The following ATRN variants were observed in gnomAD, a reference collection of about 807,000 sequenced individuals.
The protein encoded by ATRN is attractin.
Under a neutral mutation model 178.7 loss-of-function variants are expected in ATRN, and 54 were observed. That is an observed-to-expected ratio of 0.30 (90% CI 0.24 to 0.38). The LOEUF is 0.38. Ranked by LOEUF, ATRN falls within the 10% of genes least tolerant of loss-of-function variation. ATRN has a pLI of 1.00. For missense variants in ATRN, 1,443 were observed against 1,815.1 expected (o/e 0.79, Z 3.73); for synonymous variants, 636 against 663.0 (o/e 0.96, Z 0.63).
At chr20:3,544,895 A>G (rs1280624505) in intron 3 of ATRN, among the ~76,000 whole-genome samples, 6 of 150,580 alleles carry the variant, frequency 4.0e-5, no homozygotes, top group Non-Finnish European at 8.8e-5. Context: ...GTTGTGAGTG[A>G]GGTCTTAAGA....
chr20:3,563,063 AAACTT>A lies in ATRN; in HGVS notation c.1632-144_1632-140del, dbSNP rs1489999982. The A allele has an allele frequency of 2.9e-5, 20 of 682,018 alleles. No homozygotes were observed. The East Asian group carries it at 5.9e-4, about 20-fold the overall frequency. 42.2% of individuals were successfully genotyped at this position (682,018 alleles called of 1,614,324 possible). A position where few individuals can be genotyped will look rare whatever the true frequency, so the allele number is the denominator to read the frequency against. ...AAAATTATCTGTATTTATTGTTGAAAAACTTACTTTTATGTAGGGAAAACTCTGGA... is the reference window on the plus strand; with the variant it reads ...AAAATTATCTGTATTTATTGTTGAAAACTTTTATGTAGGGAAAACTCTGGA... On this transcript the variant is annotated intron_variant, in intron 9 of 28. Coordinates refer to ENST00000262919, the MANE Select transcript of ATRN (RefSeq NM_139321.3).
intron 25 of ATRN, among the ~76,000 whole-genome samples, chr20:3,627,097 TA>T (rs1268747237): frequency 6.6e-6 from 1 of 152,176 alleles, no homozygotes; most frequent in African/African-American, 2.4e-5. Context: ...AAAATGTATA[TA>T]AATGAAATCA....
At chr20:3,614,965 T>C (rs1053170196) in intron 24 of ATRN, among the ~76,000 whole-genome samples, 1 of 152,256 alleles carries the variant, frequency 6.6e-6, no homozygotes, top group Non-Finnish European at 1.5e-5. Flanking sequence ...CATAGCTGAA[T>C]AATCTTCCTT....
chr20:3,584,783 G>A lies in ATRN; in HGVS notation c.3087G>A (p.Ser1029=), dbSNP rs769323572. The stretch of plus-strand genomic sequence containing the variant: ...ATAAAGGACCAGTGAAGATGCCTTC[G>A]CAAGCCCCTACAGGAAATTTCTATC... ...GSYKGPVKMP[S]QAPTGNFYPQ... Residue 1029 remains serine (S), a synonymous_variant, in exon 18 of 29, where the codon TCG becomes TCA. Coordinates refer to ENST00000262919, the MANE Select transcript of ATRN (RefSeq NM_139321.3). 6.2e-6 allele frequency: 10 copies of A among 1,613,970 alleles called. No homozygotes were observed. Among genetic ancestry groups the A allele is most frequent in the African/African-American group, 2.7e-5 (2 of 74,898 alleles).
In ATRN at chr20:3,646,880, T is replaced by C; in HGVS notation, c.*33T>C. On this transcript the variant is annotated 3_prime_UTR_variant, in exon 29 of 29. Transcript: ENST00000262919. ...GCCAGGGACTCTCCCACGCACGAGC[T>C]AGTGAGTGGCACACCAGAGCCATCT... 1 of 1,611,220 alleles carries C rather than the reference T, an allele frequency of 6.2e-7. No individual in the cohort carries two copies. Among genetic ancestry groups the C allele is most frequent in the Non-Finnish European group, 8.5e-7 (1 of 1,178,822 alleles).
intron 3 of ATRN, among the ~76,000 whole-genome samples, chr20:3,544,576 A>G (rs1203761033): frequency 6.6e-6 from 1 of 152,218 alleles, no homozygotes; most frequent in Non-Finnish European, 1.5e-5. Flanking sequence ...AACAGCAGGT[A>G]GACATAAGAA....
chr20:3,497,692 AAT>A (rs1160328404), intron 1 of ATRN, among the ~76,000 whole-genome samples: 5 of 151,996 alleles, frequency 3.3e-5, no homozygotes, highest in Admixed American at 2.6e-4. Context: ...GTATTTCCTG[AAT>A]CTGAATGTTG....
At chr20:3,595,081 G>A (rs951040959) in intron 20 of ATRN, among the ~76,000 whole-genome samples, 6 of 152,184 alleles carry the variant, frequency 3.9e-5, no homozygotes, top group African/African-American at 1.4e-4. Flanking sequence ...CATCCATGAG[G>A]ATGCAGGTGC....
intron 12 of ATRN, among the ~76,000 whole-genome samples, chr20:3,575,099 G>A (rs2086187513): frequency 6.6e-6 from 1 of 152,156 alleles, no homozygotes; most frequent in Non-Finnish European, 1.5e-5. Flanking sequence ...GAGTAGCTGG[G>A]ATTACAGGAA....
rs141778865 is a variant in ATRN, at chr20:3,517,786, A to T, written c.411-17467A>T. On this transcript the variant is annotated intron_variant, in intron 1 of 28. Coordinates refer to ENST00000262919, the MANE Select transcript of ATRN (RefSeq NM_139321.3). ...ACTCCGTCTCAAACATAAAAAAAAAAATTAAACAAATTTTTAACAACTCAG... is the reference window on the plus strand; with the variant it reads ...ACTCCGTCTCAAACATAAAAAAAAATATTAAACAAATTTTTAACAACTCAG... Among the ~76,000 whole-genome samples, 1,512 of 152,144 alleles carry T rather than the reference A, an allele frequency of 9.9e-3. 26 individuals are homozygous for T. The highest frequency in any genetic ancestry group is 0.034 in the African/African-American group (1,404 of 41,428).
chr20:3,549,437 C>T (rs747561144), intron 6 of ATRN, 99 bp downstream of exon 6: 129 of 1,057,474 alleles, frequency 1.2e-4, no homozygotes, highest in Non-Finnish European at 1.5e-4. Context: ...CATTCTACTA[C>T]CTAAAGAAAA....
intron 25 of ATRN, among the ~76,000 whole-genome samples, chr20:3,626,267 T>G (rs2086938686): frequency 6.6e-6 from 1 of 151,704 alleles, no homozygotes; most frequent in Non-Finnish European, 1.5e-5. Context: ...ACTACAGAAT[T>G]CTAGGTTCAA....
chr20:3,505,164 A>G (rs2085023655), intron 1 of ATRN, among the ~76,000 whole-genome samples: 1 of 152,196 alleles, frequency 6.6e-6, no homozygotes, highest in Non-Finnish European at 1.5e-5. Flanking sequence ...CCTGCCTAAT[A>G]TGGGTGGCCA....
At chr20:3,488,847 A>G (rs1358736003) in intron 1 of ATRN, among the ~76,000 whole-genome samples, 3 of 152,232 alleles carry the variant, frequency 2.0e-5, no homozygotes, top group Non-Finnish European at 4.4e-5. Context: ...AACCACAAAC[A>G]TGGTATATAC....
At chr20:3,547,179 A>C (rs1468729465) in intron 4 of ATRN, 105 bp from the exon 5 acceptor site, 1 of 913,744 alleles carries the variant, frequency 1.1e-6, no homozygotes, top group Non-Finnish European at 1.7e-6. Flanking sequence ...ACACTTGTGA[A>C]TGAACTGAGA....
intron 28 of ATRN, 143 bp downstream of exon 28, chr20:3,644,411 T>C: frequency 2.7e-6 from 2 of 736,366 alleles, no homozygotes; most frequent in Non-Finnish European, 4.4e-6. Context: ...TTCAGTGAGA[T>C]AACCCATTTT....
In ATRN at chr20:3,553,048, G is replaced by A. The variant is rs547402910; in HGVS notation, c.1112+3710G>A. On this transcript the variant is annotated intron_variant, in intron 6 of 28. Coordinates refer to ENST00000262919, the MANE Select transcript of ATRN (RefSeq NM_139321.3). ...GGATTGTACATGGTTATGAATACCA[G>A]GAGGTGGACATCATGAGGACTACCC... 4.6e-5 allele frequency among the ~76,000 whole-genome samples: 7 copies of A among 152,240 alleles called. No individual in the cohort carries two copies. In the East Asian group the frequency reaches 1.4e-3, roughly 29 times the overall value.
intron 12 of ATRN, among the ~76,000 whole-genome samples, chr20:3,575,095 C>T (rs1476472116): frequency 6.6e-6 from 1 of 152,102 alleles, no homozygotes; most frequent in African/African-American, 2.4e-5. Context: ...TCCTGAGTAG[C>T]TGGGATTACA....
chr20:3,486,002 T>C (rs1170268518), intron 1 of ATRN, among the ~76,000 whole-genome samples: 2 of 152,180 alleles, frequency 1.3e-5, no homozygotes, highest in Non-Finnish European at 2.9e-5. Flanking sequence ...TCTTCACCCT[T>C]GAATGCTCAT....
Sources: allele counts gnomAD v4.1 joint callset (sites outside exome capture counted in the v4.1 genomes callset), GRCh38; gene constraint gnomAD v4.1.1; transcripts MANE v1.5; gene names NCBI Gene and HGNC (gene_info 2026-07-23, HGNC 2026-07-21).